Variants in MMP26 observed in about 807,000 individuals in gnomAD.
The protein encoded by MMP26 is matrix metalloproteinase-26.
A neutral mutation model predicts 31.0 loss-of-function variants in MMP26; 33 were observed. That is an observed-to-expected ratio of 1.06 (90% CI 0.81 to 1.42). The LOEUF (loss-of-function observed/expected upper bound fraction) is 1.42, where lower values mean the gene tolerates loss of function less well. Ranked by LOEUF, MMP26 falls within the 40% of genes most tolerant of loss-of-function variation. The pLI is 0.00. For missense variants in MMP26, 347 were observed against 316.1 expected, an observed-to-expected ratio of 1.10 and a Z score of -0.74; for synonymous variants, 122 against 114.9, an observed-to-expected ratio of 1.06 and a Z score of -0.40.
chr11:4,908,296 A>G lies in MMP26; in HGVS notation c.-144-79772A>G, dbSNP rs138946008. On this transcript the variant is annotated intron_variant, in intron 2 of 7. Transcript: ENST00000380390. ...AGATCTTGGGGAAGTTGCTTAATGT[A>G]TGTGGGAGATAAGAACTTGAACAAT... 34 of 1,613,610 alleles carry G rather than the reference A, an allele frequency of 2.1e-5. No homozygotes were observed. The African/African-American group carries it at 4.1e-4, about 20-fold the overall frequency.
chr11:4,896,503 T>C (rs550846104), intron 2 of MMP26, among the ~76,000 whole-genome samples: 2 of 152,198 alleles, frequency 1.3e-5, no homozygotes, highest in Non-Finnish European at 2.9e-5. Flanking sequence ...GGCATTGCTA[T>C]GGTCAGACTG....
At chr11:4,922,204 C>A (rs1026860704) in intron 2 of MMP26, among the ~76,000 whole-genome samples, 1 of 152,172 alleles carries the variant, frequency 6.6e-6, no homozygotes, top group Non-Finnish European at 1.5e-5. Context: ...TTGCTTCTAG[C>A]TCTACTAGTT....
At chr11:4,715,081 T>A (rs952969650) in intron 1 of MMP26, among the ~76,000 whole-genome samples, 3 of 152,150 alleles carry the variant, frequency 2.0e-5, no homozygotes, top group South Asian at 2.1e-4. Flanking sequence ...TCCTGAGATG[T>A]GTTCAGAATC....
chr11:4,783,239 C>G (rs1232515383), intron 2 of MMP26, among the ~76,000 whole-genome samples: 5 of 152,242 alleles, frequency 3.3e-5, no homozygotes, highest in African/African-American at 1.2e-4. Context: ...CAGGGGCAGA[C>G]ATGCCCAAGA....
In MMP26 at chr11:4,803,408, T is replaced by A. The variant is rs113895821; in HGVS notation, c.-145+36067T>A. 5.3e-3 allele frequency: 7,527 copies of A among 1,431,056 alleles called. 36 individuals are homozygous for A. Among genetic ancestry groups the A allele is most frequent in the Middle Eastern group, 9.5e-3 (53 of 5,568 alleles). 88.6% of individuals were successfully genotyped at this position (1,431,056 alleles called of 1,614,324 possible). A position where few individuals can be genotyped will look rare whatever the true frequency, so the allele number is the denominator to read the frequency against. ...CCCCACATTAGTGGGGCAATGTAAG[T>A]GATGGGGATACACTGACCCTTTGCT... On this transcript the variant is annotated intron_variant, in intron 2 of 7. Transcript: ENST00000380390.
At chr11:4,709,938 C>T (rs756936970) in intron 1 of MMP26, 15 of 456,808 alleles carry the variant, frequency 3.3e-5, no homozygotes, top group Admixed American at 7.0e-5. Context: ...GGCCTTTGAC[C>T]GCTTTATTGC....
chr11:4,814,189 C>A (rs1849389756), intron 2 of MMP26, among the ~76,000 whole-genome samples: 1 of 152,156 alleles, frequency 6.6e-6, no homozygotes, highest in South Asian at 2.1e-4. Context: ...TAAGTTGAAT[C>A]TCTTGCAATT....
rs568989936 is a variant in MMP26, at chr11:4,828,892, C to T, written c.-145+61551C>T. Among the ~76,000 whole-genome samples, 8 of 152,174 alleles carry T rather than the reference C, an allele frequency of 5.3e-5. No individual in the cohort carries two copies. The South Asian group carries it at 6.2e-4, about 12-fold the overall frequency. ...GACCATTTCAAAGGATATTCTGTATCGCTTTTGTCTGTCATCCTCAGCAAG... is the reference window on the plus strand; with the variant it reads ...GACCATTTCAAAGGATATTCTGTATTGCTTTTGTCTGTCATCCTCAGCAAG... On this transcript the variant is annotated intron_variant, in intron 2 of 7. Coordinates refer to ENST00000380390, the MANE Select transcript of MMP26 (RefSeq NM_021801.5).
At chr11:4,856,967 T>C (rs1165556304) in intron 2 of MMP26, among the ~76,000 whole-genome samples, 2 of 152,198 alleles carry the variant, frequency 1.3e-5, no homozygotes, top group Non-Finnish European at 2.9e-5. Flanking sequence ...TGCTCCTGAA[T>C]GACTACTGGG....
chr11:4,855,899 G>A (rs1173609583), intron 2 of MMP26, among the ~76,000 whole-genome samples: 1 of 152,198 alleles, frequency 6.6e-6, no homozygotes. Context: ...CAAGCCAGAA[G>A]AGAGTGGGGG....
At chr11:4,898,102 G>A (rs1295758588) in intron 2 of MMP26, among the ~76,000 whole-genome samples, 1 of 151,346 alleles carries the variant, frequency 6.6e-6, no homozygotes, top group African/African-American at 2.4e-5. Context: ...ATTGTGTGAA[G>A]GTCTTATGGC....
intron 1 of MMP26, among the ~76,000 whole-genome samples, chr11:4,730,051 A>G (rs1848153425): frequency 6.6e-6 from 1 of 151,708 alleles, no homozygotes; most frequent in Non-Finnish European, 1.5e-5. Context: ...TAAGCCCGCT[A>G]AACTAATACA....
intron 2 of MMP26, chr11:4,859,554 ATAAT>A (rs2133510337): frequency 8.1e-6 from 3 of 370,512 alleles, no homozygotes; most frequent in South Asian, 2.1e-5. Flanking sequence ...GGAAAATTAA[ATAAT>A]TAATTCTTCC....
At chr11:4,804,722 ATTGCTTGAGG>A in intron 2 of MMP26, 2 of 384,856 alleles carry the variant, frequency 5.2e-6, no homozygotes, top group Non-Finnish European at 1.0e-5. Flanking sequence ...AGGCAGGCAG[ATTGCTTGAGG>A]TCAGGAGTTC....
chr11:4,801,385 T>C (rs1453449907), intron 2 of MMP26, among the ~76,000 whole-genome samples: 1 of 152,050 alleles, frequency 6.6e-6, no homozygotes, highest in Non-Finnish European at 1.5e-5. Context: ...GGGTGCCAGC[T>C]TGTTTTTGGT....
chr11:4,855,203 C>G (rs1024072946), intron 2 of MMP26, among the ~76,000 whole-genome samples: 7 of 152,162 alleles, frequency 4.6e-5, no homozygotes, highest in Admixed American at 2.0e-4. Context: ...TACAACAAAG[C>G]TGGACAGAGA....
rs759834832 is a variant in MMP26, at chr11:4,803,463, A to G, written c.-145+36122A>G. Reference sequence around the variant, plus strand: ...GGATGTTTCCACAACATCCTTGGATAACCCTGTCCCCGATCTGTTTGGTTC... The same window carrying G: ...GGATGTTTCCACAACATCCTTGGATGACCCTGTCCCCGATCTGTTTGGTTC... On this transcript the variant is annotated intron_variant, in intron 2 of 7. Coordinates refer to ENST00000380390, the MANE Select transcript of MMP26 (RefSeq NM_021801.5). 3.7e-6 allele frequency: 6 copies of G among 1,611,188 alleles called. No individual in the cohort carries two copies. In the Admixed American group the frequency reaches 1.0e-4, roughly 27 times the overall value.
intron 2 of MMP26, among the ~76,000 whole-genome samples, chr11:4,894,371 A>G (rs1033936864): frequency 1.3e-5 from 2 of 152,212 alleles, no homozygotes; most frequent in Non-Finnish European, 2.9e-5. Context: ...TTTTTAAACT[A>G]TATCTTGCTT....
chr11:4,805,780 T>A (rs909156053), intron 2 of MMP26, among the ~76,000 whole-genome samples: 3 of 152,206 alleles, frequency 2.0e-5, no homozygotes, highest in African/African-American at 7.2e-5. Flanking sequence ...GTAGATACTG[T>A]GTGAGCCCCA....
Sources: gnomAD v4.1 joint callset for allele counts (sites outside exome capture counted in the v4.1 genomes callset) on GRCh38, gnomAD v4.1.1 for gene constraint, MANE v1.5 for transcripts, NCBI Gene and HGNC (gene_info 2026-07-23, HGNC 2026-07-21) for gene names.